RIMS1: variants seen among roughly 807,000 people sequenced by gnomAD.
The protein encoded by RIMS1 is regulating synaptic membrane exocytosis 1.
Under a neutral mutation model 214.1 loss-of-function variants are expected in RIMS1, and 83 were observed. The ratio of observed to expected loss-of-function variants is 0.39; its 90% CI spans 0.32 to 0.47. The LOEUF (loss-of-function observed/expected upper bound fraction) is 0.47. Among genes scored for constraint, RIMS1 ranks in the 20% least tolerant of loss-of-function variants. RIMS1 has a pLI of 0.99. For missense variants in RIMS1, 2,050 were observed against 2,161.8 expected (o/e 0.95, Z 1.03); for synonymous variants, 793 against 786.8 (o/e 1.01, Z -0.13).
intron 16 of RIMS1, among the ~76,000 whole-genome samples, chr6:72,256,846 G>A (rs2076071230): frequency 6.6e-6 from 1 of 151,758 alleles, no homozygotes; most frequent in African/African-American, 2.4e-5. Context: ...CAATAGCTTA[G>A]TTGATATTTT....
chr6:72,013,306 A>T (rs1811512599), intron 2 of RIMS1, among the ~76,000 whole-genome samples: 1 of 152,220 alleles, frequency 6.6e-6, no homozygotes, highest in Non-Finnish European at 1.5e-5. Context: ...TTATGTCATA[A>T]TAAGTACAGG....
At chr6:72,352,708 A>T (rs1033699629) in intron 29 of RIMS1, among the ~76,000 whole-genome samples, 1 of 152,158 alleles carries the variant, frequency 6.6e-6, no homozygotes, top group African/African-American at 2.4e-5. Flanking sequence ...AAAGTATAAA[A>T]GGGAAATGGA....
chr6:72,141,102 C>A (rs2042028483), intron 4 of RIMS1, among the ~76,000 whole-genome samples: 1 of 151,956 alleles, frequency 6.6e-6, no homozygotes, highest in Non-Finnish European at 1.5e-5. Context: ...ATAGACATTT[C>A]TGCATATCTT....
chr6:71,931,577 C>T (rs1783058024), intron 1 of RIMS1, among the ~76,000 whole-genome samples: 1 of 151,820 alleles, frequency 6.6e-6, no homozygotes, highest in African/African-American at 2.4e-5. Context: ...GTCCTTTGCC[C>T]ACTTTTTAAT....
chr6:72,216,534 C>G, intron 6 of RIMS1: 1 of 985,446 alleles, frequency 1.0e-6, no homozygotes, highest in Non-Finnish European at 1.2e-6. Flanking sequence ...TGTCATTGAG[C>G]TGAGTAAGAT....
intron 2 of RIMS1, among the ~76,000 whole-genome samples, chr6:72,004,615 G>C (rs1171873733): frequency 1.3e-5 from 2 of 152,108 alleles, no homozygotes; most frequent in Admixed American, 6.5e-5. Flanking sequence ...TTTCTCTGAT[G>C]GTCAGTGATG....
chr6:72,040,638 T>C (rs1821178720), intron 2 of RIMS1, among the ~76,000 whole-genome samples: 1 of 151,928 alleles, frequency 6.6e-6, no homozygotes, highest in African/African-American at 2.4e-5. Flanking sequence ...TAGGATGAGA[T>C]GTCTCAGCAA....
chr6:72,105,429 T>C (rs2034544497), intron 4 of RIMS1, among the ~76,000 whole-genome samples: 1 of 152,120 alleles, frequency 6.6e-6, no homozygotes, highest in Non-Finnish European at 1.5e-5. Context: ...GAAAATTCAA[T>C]TGCATTTCAT....
intron 1 of RIMS1, among the ~76,000 whole-genome samples, chr6:71,893,688 A>T (rs931739839): frequency 3.3e-5 from 5 of 152,164 alleles, no homozygotes; most frequent in African/African-American, 1.2e-4. Context: ...ATATTCTCAC[A>T]TTCTTACATC....
chr6:71,948,423 A>G (rs540326046), intron 1 of RIMS1, among the ~76,000 whole-genome samples: 1 of 152,314 alleles, frequency 6.6e-6, no homozygotes, highest in East Asian at 1.9e-4. Flanking sequence ...TCAGTTTGCC[A>G]CCTTTCTCTC....
chr6:72,108,299 A>C (rs531316866), intron 4 of RIMS1, among the ~76,000 whole-genome samples: 33 of 152,108 alleles, frequency 2.2e-4, no homozygotes, highest in Non-Finnish European at 4.4e-4. Flanking sequence ...CATGTTGCCC[A>C]GGCTGGTTTG....
At chr6:72,109,893 G>A (rs1043157000) in intron 4 of RIMS1, among the ~76,000 whole-genome samples, 3 of 152,070 alleles carry the variant, frequency 2.0e-5, no homozygotes, top group African/African-American at 7.2e-5. Context: ...GTGTAAGGAA[G>A]GGATCCAGTT....
At chr6:72,079,497 G>T (rs1428586676) in intron 2 of RIMS1, among the ~76,000 whole-genome samples, 1 of 152,134 alleles carries the variant, frequency 6.6e-6, no homozygotes, top group Non-Finnish European at 1.5e-5. Flanking sequence ...AGTTTTCTTT[G>T]ATGTCACTCA....
chr6:72,359,048 T>C (rs2097737063), intron 29 of RIMS1, among the ~76,000 whole-genome samples: 1 of 152,194 alleles, frequency 6.6e-6, no homozygotes, highest in Non-Finnish European at 1.5e-5. Context: ...ACTTACATCA[T>C]TAGAAAGCAA....
intron 2 of RIMS1, among the ~76,000 whole-genome samples, chr6:72,035,950 C>T (rs1157557422): frequency 1.3e-5 from 2 of 152,116 alleles, no homozygotes; most frequent in Non-Finnish European, 2.9e-5. Flanking sequence ...TAAAGTAGTA[C>T]TTTACCTGCT....
intron 1 of RIMS1, among the ~76,000 whole-genome samples, chr6:71,919,464 G>A (rs543651353): frequency 1.6e-5 from 2 of 123,280 alleles, no homozygotes; most frequent in Admixed American, 1.5e-4. Context: ...ATATTGAAAT[G>A]CCAGCTGGCA....
At chr6:72,307,435 G>A (rs1329421161) in intron 27 of RIMS1, 65 bp downstream of exon 27, 2 of 1,022,354 alleles carry the variant, frequency 2.0e-6, no homozygotes, top group East Asian at 5.3e-5. Flanking sequence ...GTACCAGGCA[G>A]GATTAGAAAG....
At chr6:72,095,136 T>TTA (rs11392413) in intron 2 of RIMS1, among the ~76,000 whole-genome samples, 1 of 146,266 alleles carries the variant, frequency 6.8e-6, no homozygotes, top group Non-Finnish European at 1.5e-5. Flanking sequence ...TTTTTTTTTT[T>TTA]GTATTTTTAG....
intron 4 of RIMS1, among the ~76,000 whole-genome samples, chr6:72,133,923 T>C (rs2040857968): frequency 6.6e-6 from 1 of 152,160 alleles, no homozygotes; most frequent in African/African-American, 2.4e-5. Context: ...TACTTATAAG[T>C]TGGATAACTT....
Sources: gnomAD v4.1 joint callset for allele counts (sites outside exome capture counted in the v4.1 genomes callset) on GRCh38, gnomAD v4.1.1 for gene constraint, MANE v1.5 for transcripts, NCBI Gene and HGNC (gene_info 2026-07-23, HGNC 2026-07-21) for gene names.